Variants in GAP43 observed in about 807,000 individuals in gnomAD.
GAP43 encodes the protein neuromodulin.
In GAP43, 6 loss-of-function variants were observed where a neutral mutation model predicts 18.6. The ratio of observed to expected loss-of-function variants is 0.32; its 90% CI spans 0.18 to 0.64. The LOEUF (loss-of-function observed/expected upper bound fraction) is 0.64, where lower values mean the gene tolerates loss of function less well. Ranked by LOEUF, GAP43 falls within the 30% of genes least tolerant of loss-of-function variation. The pLI is 0.78. For synonymous variants in GAP43, 115 were observed against 111.4 expected, an observed-to-expected ratio of 1.03 and a Z score of -0.20; for missense variants, 292 against 295.5, an observed-to-expected ratio of 0.99 and a Z score of 0.09.
rs1252333447 is a variant in GAP43 at position 115,683,147 on chromosome 3, G to GCGCACACACA, written c.628+6538_628+6539insGCACACACAC. Among the ~76,000 whole-genome samples the GCGCACACACA allele has an allele frequency of 5.5e-3, 698 of 127,394 alleles. 4 individuals are homozygous for GCGCACACACA. The highest frequency in any genetic ancestry group is 0.013 in the African/African-American group (434 of 33,082). The allele number at this position is 127,394 out of a possible 152,430, so 83.6% of individuals were successfully genotyped here. On this transcript the variant is annotated intron_variant, in intron 2 of 2. Transcript: ENST00000305124. ...TGTGCGCGCGCGTGCGCGCGCGCGC[G>GCGCACACACA]CACACACACACACACACACACACAC... is the stretch of plus-strand genomic sequence containing the variant.
At chr3:115,707,043 C>G (rs1275933213) in intron 2 of GAP43, among the ~76,000 whole-genome samples, 1 of 152,090 alleles carries the variant, frequency 6.6e-6, no homozygotes, top group East Asian at 1.9e-4. Flanking sequence ...TATGTGAAAC[C>G]TCTTGGCACA....
At chr3:115,679,577 A>G (rs1202670010) in intron 2 of GAP43, among the ~76,000 whole-genome samples, 1 of 152,198 alleles carries the variant, frequency 6.6e-6, no homozygotes, top group Non-Finnish European at 1.5e-5. Context: ...TGCCCCATTC[A>G]GTCATGAGTA....
chr3:115,633,831 G>A lies in GAP43; in HGVS notation c.30+10112G>A, dbSNP rs372361341. Among the ~76,000 whole-genome samples the A allele has an allele frequency of 5.3e-5, 8 of 152,256 alleles. No individual in the cohort carries two copies. In the East Asian group the frequency reaches 7.7e-4, roughly 15 times the overall value. ...TGCTCTAACGTCTCTTTTTCAGGTT[G>A]TAAGATCTAGTTCCTGCAAAAAGAT... On this transcript the variant is annotated intron_variant, in intron 1 of 2. Transcript: ENST00000305124.
intron 1 of GAP43, among the ~76,000 whole-genome samples, chr3:115,661,520 G>T (rs775743632): frequency 6.6e-6 from 1 of 152,074 alleles, no homozygotes; most frequent in Non-Finnish European, 1.5e-5. Flanking sequence ...GAGGAATCTC[G>T]CTCTGTCGCC....
intron 1 of GAP43, among the ~76,000 whole-genome samples, chr3:115,633,208 G>A (rs893151222): frequency 2.0e-5 from 3 of 151,968 alleles, no homozygotes; most frequent in Non-Finnish European, 2.9e-5. Flanking sequence ...AGAGAGATAA[G>A]AGAGAGACAG....
intron 1 of GAP43, among the ~76,000 whole-genome samples, chr3:115,633,964 A>C (rs2107466592): frequency 6.6e-6 from 1 of 152,338 alleles, no homozygotes; most frequent in South Asian, 2.1e-4. Flanking sequence ...TTCCAGCAAT[A>C]ATAACCACAT....
intron 2 of GAP43, among the ~76,000 whole-genome samples, chr3:115,712,529 T>A (rs1709454842): frequency 6.6e-6 from 1 of 152,202 alleles, no homozygotes; most frequent in Non-Finnish European, 1.5e-5. Flanking sequence ...TCAAACCCCA[T>A]AAATTGGATT....
intron 2 of GAP43, among the ~76,000 whole-genome samples, chr3:115,714,625 A>C (rs949909037): frequency 6.6e-6 from 1 of 152,002 alleles, no homozygotes; most frequent in Non-Finnish European, 1.5e-5. Flanking sequence ...TCTTGAAAAA[A>C]CTTTTTTCCC....
chr3:115,654,948 A>G (rs2118605), intron 1 of GAP43, among the ~76,000 whole-genome samples: 49,548 of 152,100 alleles, frequency 0.33, 9,541 homozygotes, highest in Non-Finnish European at 0.43. Context: ...CTAGCAGGGA[A>G]GTCCAGAGAC....
At chr3:115,719,183 A>T (rs1709546675) in intron 2 of GAP43, among the ~76,000 whole-genome samples, 1 of 152,196 alleles carries the variant, frequency 6.6e-6, no homozygotes, top group Non-Finnish European at 1.5e-5. Context: ...AAGAATAATC[A>T]GCACCTAGTA....
intron 1 of GAP43, among the ~76,000 whole-genome samples, chr3:115,665,991 TG>T (rs370549350): frequency 0.68 from 92,155 of 135,180 alleles, 28,926 homozygotes; most frequent in East Asian, 0.83. Flanking sequence ...GCTAAATGAG[TG>T]TGTGTGTGTG....
At chr3:115,637,315 C>T (rs181422450) in intron 1 of GAP43, among the ~76,000 whole-genome samples, 2 of 152,178 alleles carry the variant, frequency 1.3e-5, no homozygotes, top group Non-Finnish European at 2.9e-5. Flanking sequence ...ATTGTATCTA[C>T]TCTGTGATAA....
intron 1 of GAP43, among the ~76,000 whole-genome samples, chr3:115,637,222 T>A (rs1396228038): frequency 1.3e-5 from 2 of 152,040 alleles, no homozygotes; most frequent in African/African-American, 2.4e-5. Context: ...CATTTGCGTT[T>A]TTATGTACCT....
At chr3:115,706,485 T>A (rs1318547699) in intron 2 of GAP43, among the ~76,000 whole-genome samples, 1 of 152,206 alleles carries the variant, frequency 6.6e-6, no homozygotes, top group East Asian at 1.9e-4. Context: ...AGATAAGGTT[T>A]TTGTTTGTTT....
At chr3:115,695,521 C>A (rs1443686922) in intron 2 of GAP43, among the ~76,000 whole-genome samples, 1 of 152,128 alleles carries the variant, frequency 6.6e-6, no homozygotes, top group Non-Finnish European at 1.5e-5. Context: ...CACAGCAACC[C>A]TATGAGGTAA....
chr3:115,653,870 G>T (rs1708552302), intron 1 of GAP43, among the ~76,000 whole-genome samples: 1 of 151,990 alleles, frequency 6.6e-6, no homozygotes, highest in South Asian at 2.1e-4. Flanking sequence ...ATGAAAGATA[G>T]ATTCATGTAT....
At chr3:115,665,192 C>G (rs1020429415) in intron 1 of GAP43, among the ~76,000 whole-genome samples, 2 of 152,142 alleles carry the variant, frequency 1.3e-5, no homozygotes, top group African/African-American at 4.8e-5. Flanking sequence ...AATCACTCAG[C>G]TCTCTCTTGC....
At chr3:115,662,328 A>G (rs1234750999) in intron 1 of GAP43, among the ~76,000 whole-genome samples, 2 of 152,156 alleles carry the variant, frequency 1.3e-5, no homozygotes, top group African/African-American at 2.4e-5. Flanking sequence ...GGGTGCTTCC[A>G]TATCTTCCAT....
intron 1 of GAP43, among the ~76,000 whole-genome samples, chr3:115,674,139 G>A (rs1418710450): frequency 2.0e-5 from 3 of 152,200 alleles, no homozygotes; most frequent in Non-Finnish European, 4.4e-5. Flanking sequence ...CTAAACTGGA[G>A]CAAAGGTCAA....
Sources: allele counts gnomAD v4.1 joint callset (sites outside exome capture counted in the v4.1 genomes callset), GRCh38; gene constraint gnomAD v4.1.1; transcripts MANE v1.5; gene names NCBI Gene and HGNC (gene_info 2026-07-23, HGNC 2026-07-21).